The following TBC1D20 variants were observed in gnomAD, a reference collection of about 807,000 sequenced individuals.
TBC1D20 encodes chromosome 20 open reading frame 140.
Under a neutral mutation model 41.6 loss-of-function variants are expected in TBC1D20, and 12 were observed. That is an observed-to-expected ratio of 0.29 (90% CI 0.18 to 0.47). TBC1D20 has a LOEUF of 0.47. TBC1D20 is among the 20% of genes least tolerant of loss of function. The pLI, the probability that TBC1D20 is intolerant of heterozygous loss-of-function variation, is 1.00. For synonymous variants in TBC1D20, 205 were observed against 204.8 expected (o/e 1.00, Z -0.01); for missense variants, 421 against 517.4 (o/e 0.81, Z 1.81).
chr20:446,445 A>T (rs1180270114), intron 2 of TBC1D20, among the ~76,000 whole-genome samples: 1 of 151,942 alleles, frequency 6.6e-6, no homozygotes, highest in Non-Finnish European at 1.5e-5. Context: ...GGTTCAAGCG[A>T]TTCTCCTGCC....
rs191068852 is a variant in TBC1D20 at position 438,369 on chromosome 20, A to G, written c.*217T>C. On this transcript the variant is annotated 3_prime_UTR_variant, in exon 8 of 8. Coordinates refer to ENST00000354200, the MANE Select transcript of TBC1D20 (RefSeq NM_144628.4). ...CATCCAAAAGCCCACTGGGAGAGGC[A>G]TAAGATTCTGTGCCAGGCCCCCAGG... 4 of 579,060 alleles carry G rather than the reference A, an allele frequency of 6.9e-6. No homozygotes were observed. The highest frequency in any genetic ancestry group is 4.5e-5 in the South Asian group (2 of 44,714). 35.9% of individuals were successfully genotyped at this position (579,060 alleles called of 1,614,324 possible).
At chr20:443,056 T>C (rs2017268686) in intron 3 of TBC1D20, among the ~76,000 whole-genome samples, 1 of 152,054 alleles carries the variant, frequency 6.6e-6, no homozygotes, top group South Asian at 2.1e-4. Context: ...GCTGAGATCG[T>C]GCCACTGCAC....
chr20:458,248 T>C (rs1259020905), intron 1 of TBC1D20, among the ~76,000 whole-genome samples: 2 of 152,160 alleles, frequency 1.3e-5, no homozygotes, highest in Admixed American at 1.3e-4. Context: ...AGAATGTTAC[T>C]TAATTCTGAA....
chr20:460,447 A>G (rs2122432678), intron 1 of TBC1D20, among the ~76,000 whole-genome samples: 1 of 152,208 alleles, frequency 6.6e-6, no homozygotes, highest in South Asian at 2.1e-4. Flanking sequence ...AAAAAAAAAA[A>G]AAAAATGCTT....
rs1434885727 is a variant in TBC1D20 at position 447,992 on chromosome 20, T to C, written c.153A>G (p.Arg51=). 1.2e-6 allele frequency: 2 copies of C among 1,614,016 alleles called. No individual in the cohort carries two copies. The highest frequency in any genetic ancestry group is 1.7e-6 in the Non-Finnish European group (2 of 1,179,960). Residue 51 remains arginine (R), a synonymous_variant, in exon 2 of 8, where the codon AGA becomes AGG. Transcript: ENST00000354200. The part of the protein sequence containing the change: ...NSDPTDVAAL[R]RMAISEGGLL... ...GCCCTCCTTCACTGATAGCCATGCG[T>C]CTAAGGGCAGCCACATCAGTGGGAT... is the stretch of plus-strand genomic sequence containing the variant.
Position 439,749 on chromosome 20 carries a change from G to A in TBC1D20, c.769-454C>T, listed in dbSNP as rs191745731. ...GTCCACAAATCCACAGATGCTCAAG[G>A]GACCAGTGGTCATTGAAGGACTTCC... On this transcript the variant is annotated intron_variant, in intron 6 of 7. Coordinates refer to ENST00000354200, the MANE Select transcript of TBC1D20 (RefSeq NM_144628.4). The surrounding 1 kb of genome is among the most constrained non-coding windows in gnomAD (Gnocchi z 4.6). Among the ~76,000 whole-genome samples the A allele has an allele frequency of 1.2e-3, 184 of 152,202 alleles. No homozygotes were observed. The highest frequency in any genetic ancestry group is 4.2e-3 in the African/African-American group (174 of 41,526).
Position 445,091 on chromosome 20 carries a change from A to G in TBC1D20, c.296T>C (p.Val99Ala). ...LRQMSKDYQQ[V>A]LLDVRRSLRR... The stretch of plus-strand genomic sequence containing the variant: ...CAATGACCGCCGGACGTCCAGCAAC[A>G]CTTGTTGGTAGTCCTTGCTCATCTG... The change falls in exon 3 of 8, where the codon GTG (valine) becomes GCG (alanine). Residue 99 changes from valine to alanine, a missense_variant. Transcript: ENST00000354200. The G allele has an allele frequency of 3.7e-6, 6 of 1,605,588 alleles. No homozygotes were observed. Among genetic ancestry groups the G allele is most frequent in the Non-Finnish European group, 5.1e-6 (6 of 1,174,882 alleles).
chr20:451,725 G>GTCCAA (rs1438018211), intron 1 of TBC1D20, among the ~76,000 whole-genome samples: 9 of 152,200 alleles, frequency 5.9e-5, no homozygotes, highest in African/African-American at 1.7e-4. Context: ...GAGTGGAAAA[G>GTCCAA]TCCAATGCCT....
intron 1 of TBC1D20, 151 bp downstream of exon 1, chr20:462,185 T>A: frequency 4.7e-6 from 1 of 211,646 alleles, no homozygotes; most frequent in Non-Finnish European, 8.1e-6. Flanking sequence ...AGACGTGCCC[T>A]GGGCCCTCAG....
chr20:441,642 T>C lies in TBC1D20; in HGVS notation c.572A>G (p.Tyr191Cys), dbSNP rs779365738. ...CACCTGGTCAATGATGGGCATCAGA[T>C]AGTTTAATATATGCTTGGTGTTGTC... Reference protein sequence around the residue: ...TMDNTKHILNYLMPIIDQVNP... With the variant: ...TMDNTKHILNCLMPIIDQVNP... The change falls in exon 5 of 8, where the codon TAT becomes TGT. Residue 191 changes from tyrosine (Y) to cysteine (C), a missense_variant. By Grantham distance (194) the Tyr-to-Cys change is radical (BLOSUM62 -2). Transcript: ENST00000354200. 9.9e-6 allele frequency: 16 copies of C among 1,614,048 alleles called. No homozygotes were observed. The Admixed American group carries it at 1.5e-4, about 15-fold the overall frequency.
At chr20:452,877 C>T (rs2017469290) in intron 1 of TBC1D20, among the ~76,000 whole-genome samples, 2 of 152,062 alleles carry the variant, frequency 1.3e-5, no homozygotes, top group South Asian at 2.1e-4. Flanking sequence ...AGGCTGGGCA[C>T]GGTGGTTCAT....
At chr20:462,195 G>T in intron 1 of TBC1D20, 141 bp downstream of exon 1, 1 of 347,692 alleles carries the variant, frequency 2.9e-6, no homozygotes, top group Admixed American at 5.8e-5. Flanking sequence ...TGGGCCCTCA[G>T]CCTGTTCCTC....
intron 3 of TBC1D20, 133 bp from the exon 4 acceptor site, chr20:442,176 G>A: frequency 3.8e-6 from 3 of 796,204 alleles, no homozygotes. Flanking sequence ...CGCATATCAA[G>A]ATCCACTGTT....
At chr20:438,905 A>G in intron 7 of TBC1D20, 64 bp from the exon 8 acceptor site, 1 of 1,587,346 alleles carries the variant, frequency 6.3e-7, no homozygotes, top group Non-Finnish European at 8.6e-7. Flanking sequence ...GCAAAACTAC[A>G]CCACATAGGC....
At chr20:460,506 T>C (rs988059758) in intron 1 of TBC1D20, among the ~76,000 whole-genome samples, 5 of 151,890 alleles carry the variant, frequency 3.3e-5, no homozygotes, top group African/African-American at 9.7e-5. Context: ...GAAAACCTTA[T>C]TTCAGTCTGG....
At chr20:462,309 T>G in intron 1 of TBC1D20, 27 bp downstream of exon 1, 1 of 1,273,134 alleles carries the variant, frequency 7.9e-7, no homozygotes, top group Non-Finnish European at 1.0e-6. Context: ...CGCAGGCCGC[T>G]CCCGGCGCCC....
intron 4 of TBC1D20, 55 bp from the exon 5 acceptor site, chr20:441,744 G>C: frequency 6.3e-7 from 1 of 1,596,780 alleles, no homozygotes; most frequent in Non-Finnish European, 8.6e-7. Context: ...TCAGGGCTCA[G>C]GGTGGCGAGG....
In TBC1D20 at chr20:441,891, A is replaced by G. The variant is rs776242048; in HGVS notation, c.490T>C (p.Ser164Pro). 6.2e-7 allele frequency: 1 copy of G among 1,614,014 alleles called. No homozygotes were observed. The highest frequency in any genetic ancestry group is 1.7e-5 in the Admixed American group (1 of 60,002). ...TGGGTAGATAATTTTTCTACCAGGGATGTTGCCAGCCTCTCGCCTACCACC... is the reference window on the plus strand; with the variant it reads ...TGGGTAGATAATTTTTCTACCAGGGGTGTTGCCAGCCTCTCGCCTACCACC... ...LLVVGERLATSLVEKLSTHHL... is the reference protein window; with the variant it reads ...LLVVGERLATPLVEKLSTHHL... The change falls in exon 4 of 8, where the codon TCC (serine) becomes CCC (proline). Residue 164 changes from serine (S) to proline (P), a missense_variant. Around this residue, in one of 3 missense-constraint regions of TBC1D20, gnomAD observed 110 missense variants for 183.5 expected, o/e 0.60. Transcript: ENST00000354200.
intron 1 of TBC1D20, among the ~76,000 whole-genome samples, chr20:453,153 CAAAAAAAAAAAAAAAA>C (rs71191943): frequency 1.9e-3 from 84 of 44,856 alleles, no homozygotes; most frequent in East Asian, 7.6e-3. Flanking sequence ...AACTCCGTTT[CAAAAAAAAAAAAAAAA>C]AAAAAAAAAA....
Sources: allele counts gnomAD v4.1 joint callset (sites outside exome capture counted in the v4.1 genomes callset), GRCh38; gene constraint gnomAD v4.1.1; regional missense constraint gnomAD v4.1.1; non-coding constraint Gnocchi (gnomAD v3.1); transcripts MANE v1.5; gene names NCBI Gene and HGNC (gene_info 2026-07-23, HGNC 2026-07-21).